TTF1: variants seen among roughly 807,000 people sequenced by gnomAD.
The protein encoded by TTF1 is transcription termination factor, RNA polymerase I.
TTF1 carries 64 observed loss-of-function variants against 80.2 expected under a neutral mutation model. The ratio of observed to expected loss-of-function variants is 0.80; its 90% CI spans 0.65 to 0.98. TTF1 has a LOEUF of 0.98. TTF1 is among the 50% of genes least tolerant of loss of function. TTF1 has a pLI of 0.00. For missense variants in TTF1, 1,023 were observed against 1,086.2 expected (o/e 0.94, Z 0.82); for synonymous variants, 372 against 382.7 (o/e 0.97, Z 0.33).
intron 3 of TTF1, among the ~76,000 whole-genome samples, 182 bp from the exon 4 acceptor site, chr9:132,398,508 C>A (rs932833355): frequency 2.0e-5 from 3 of 152,236 alleles, no homozygotes; most frequent in Non-Finnish European, 2.9e-5. Context: ...CCAAGCCACA[C>A]CTCTTCTGTC....
At chr9:132,388,572 C>T (rs1158236082) in intron 7 of TTF1, among the ~76,000 whole-genome samples, 3 of 152,128 alleles carry the variant, frequency 2.0e-5, no homozygotes, top group African/African-American at 4.8e-5. Flanking sequence ...AACTCCTGGC[C>T]TCAAGTGATC....
intron 10 of TTF1, among the ~76,000 whole-genome samples, chr9:132,376,531 T>C (rs1030138681): frequency 4.3e-4 from 66 of 152,088 alleles, no homozygotes; most frequent in African/African-American, 1.5e-3. Flanking sequence ...CCAGGAGAAA[T>C]ACCAGTGCCG....
In TTF1 at chr9:132,402,852, G is replaced by A. The variant is rs1052650242; in HGVS notation, c.-7-24C>T. ...TCCTATATGGAAATGTGACAACAAT[G>A]GTTTATTTTTGCTTTTTTTTTGAGA... is the stretch of plus-strand genomic sequence containing the variant. On this transcript the variant is annotated intron_variant, in intron 1 of 10. Coordinates refer to ENST00000334270, the MANE Select transcript of TTF1 (RefSeq NM_007344.4). The A allele has an allele frequency of 2.6e-6, 4 of 1,547,048 alleles. No individual in the cohort carries two copies. In the African/African-American group the frequency reaches 5.6e-5, roughly 21 times the overall value.
chr9:132,377,482 C>A (rs1849225327), intron 10 of TTF1, among the ~76,000 whole-genome samples: 1 of 37,444 alleles, frequency 2.7e-5, no homozygotes, highest in East Asian at 2.1e-3. Context: ...TGTGTGAATG[C>A]ATGTGGTGTG....
chr9:132,383,038 C>G (rs1849396993), intron 9 of TTF1, among the ~76,000 whole-genome samples: 1 of 148,458 alleles, frequency 6.7e-6, no homozygotes, highest in Non-Finnish European at 1.5e-5. Context: ...GCACTCCAGC[C>G]TGGGCAACAA....
chr9:132,386,616 T>C lies in TTF1; in HGVS notation c.2318A>G (p.Tyr773Cys), dbSNP rs373530334. The C allele has an allele frequency of 1.2e-5, 20 of 1,610,482 alleles. No homozygotes were observed. Among genetic ancestry groups the C allele is most frequent in the Middle Eastern group, 1.6e-4 (1 of 6,072 alleles). ...RAKVSLIERLYEINVEDTNEI... is the reference protein window; with the variant it reads ...RAKVSLIERLCEINVEDTNEI... Reference sequence around the variant, plus strand: ...ATTAGTATCTTCCACATTTATTTCATACAACCTGTGAGAAAAAATAAAAAT... The same window carrying C: ...ATTAGTATCTTCCACATTTATTTCACACAACCTGTGAGAAAAAATAAAAAT... The change falls in exon 9 of 11, where the codon TAT becomes TGT. Residue 773 changes from tyrosine to cysteine, a missense_variant. Tyr to Cys is a radical substitution (Grantham distance 194). Transcript: ENST00000334270.
rs1447677872 is a variant in TTF1 at position 132,378,631 on chromosome 9, G to GTGTGAGTGCATGTGGTGT, written c.2464+427_2464+428insACACCACATGCACTCACA. ...GCATGTGGTGTGAGTGCATGTGGTT[G>GTGTGAGTGCATGTGGTGT]GTGTGAGTGCATGTGGTGTGAGTGC... On this transcript the variant is annotated intron_variant, in intron 10 of 10. Transcript: ENST00000334270. 0.011 allele frequency among the ~76,000 whole-genome samples: 908 copies of GTGTGAGTGCATGTGGTGT among 81,148 alleles called. 47 individuals are homozygous for GTGTGAGTGCATGTGGTGT. In the East Asian group the frequency reaches 0.13, roughly 11 times the overall value. 53.2% of individuals were successfully genotyped at this position (81,148 alleles called of 152,430 possible).
intron 5 of TTF1, among the ~76,000 whole-genome samples, chr9:132,392,589 C>CCT (rs10631521): frequency 0.19 from 29,041 of 152,112 alleles, 3,333 homozygotes; most frequent in African/African-American, 0.32. Flanking sequence ...CTGAAGTCCC[C>CCT]GTTGATTGCT....
rs189105161 is a variant in TTF1, at chr9:132,392,330, C to G, written c.1857-124G>C. 20 of 1,141,744 alleles carry G rather than the reference C, an allele frequency of 1.8e-5. No homozygotes were observed. The East Asian group carries it at 5.0e-4, about 29-fold the overall frequency. The allele number at this position is 1,141,744 out of a possible 1,614,324, so 70.7% of individuals were successfully genotyped here. Reference sequence around the variant, plus strand: ...GGGGCAGGCTGTCAGGGAACCCGGTCACAGCCCTCTTCACTTCCTGTTGGC... The same window carrying G: ...GGGGCAGGCTGTCAGGGAACCCGGTGACAGCCCTCTTCACTTCCTGTTGGC... On this transcript the variant is annotated intron_variant, in intron 5 of 10. Transcript: ENST00000334270.
At chr9:132,378,557 ATGCATGTGGTGTGAG>A (rs1564182325) in intron 10 of TTF1, among the ~76,000 whole-genome samples, 2 of 49,754 alleles carry the variant, frequency 4.0e-5, no homozygotes, top group Admixed American at 2.3e-4. Flanking sequence ...TGGTGTGTGA[ATGCATGTGGTGTGAG>A]TGCATGTGGT....
intron 2 of TTF1, 73 bp from the exon 3 acceptor site, chr9:132,400,331 C>T (rs1317222964): frequency 1.5e-6 from 2 of 1,339,788 alleles, no homozygotes; most frequent in Non-Finnish European, 2.1e-6. Flanking sequence ...ATTTTTCCTT[C>T]TTTTTTTTCG....
intron 2 of TTF1, 144 bp downstream of exon 2, chr9:132,401,311 A>G (rs1849757564): frequency 1.4e-5 from 11 of 790,502 alleles, no homozygotes; most frequent in Non-Finnish European, 1.8e-5. Context: ...GGACAATAAG[A>G]GCAAATCTCC....
At chr9:132,403,346 C>G (rs1194065320) in intron 1 of TTF1, among the ~76,000 whole-genome samples, 1 of 152,154 alleles carries the variant, frequency 6.6e-6, no homozygotes. Context: ...TAACAGAGAA[C>G]AACAGTGCCT....
At position 132,401,729 on chromosome 9, in the gene TTF1, T is replaced by C. The variant is rs1280126819; in HGVS notation, c.1093A>G (p.Ser365Gly). The C allele has an allele frequency of 6.2e-7, 1 of 1,614,124 alleles. No individual in the cohort carries two copies. Among genetic ancestry groups the C allele is most frequent in the East Asian group, 2.2e-5 (1 of 44,900 alleles). ...SAYPEGSQVG[S>G]EVGTVEGSTA... is the part of the protein sequence containing the mutation. ...CTGCCTTCCACAGTCCCAACCTCAC[T>C]GCCCACCTGTGATCCTTCAGGGTAT... is the stretch of plus-strand genomic sequence containing the variant. Residue 365 changes from serine (S) to glycine (G), a missense_variant, in exon 2 of 11, where the codon AGT (serine) becomes GGT (glycine). Ser to Gly is a moderately conservative substitution (Grantham distance 56, BLOSUM62 0). Coordinates refer to ENST00000334270, the MANE Select transcript of TTF1 (RefSeq NM_007344.4).
At chr9:132,378,662 T>TGGTTG (rs1554728128) in intron 10 of TTF1, among the ~76,000 whole-genome samples, 1,571 of 117,500 alleles carry the variant, frequency 0.013, 91 homozygotes, top group East Asian at 0.13. Flanking sequence ...AGTGCATACG[T>TGGTTG]GTGTGAGTGC....
chr9:132,388,288 T>G, intron 7 of TTF1, 60 bp from the exon 8 acceptor site: 1 of 1,262,628 alleles, frequency 7.9e-7, no homozygotes, highest in Non-Finnish European at 1.1e-6. Context: ...CATTAAAATA[T>G]CCTATATTTT....
chr9:132,398,461 C>T (rs908167556), intron 3 of TTF1, 135 bp from the exon 4 acceptor site: 33 of 843,916 alleles, frequency 3.9e-5, no homozygotes, highest in Middle Eastern at 6.4e-4. Flanking sequence ...CCCTCCTGCC[C>T]GCACTTGCAG....
chr9:132,399,209 A>G (rs1336219326), intron 3 of TTF1, among the ~76,000 whole-genome samples: 1 of 61,068 alleles, frequency 1.6e-5, no homozygotes, highest in Non-Finnish European at 4.7e-5. Flanking sequence ...AAAAAAAAAA[A>G]AAAAAGAAAA....
At chr9:132,404,023 A>G (rs1849815961) in intron 1 of TTF1, among the ~76,000 whole-genome samples, 1 of 152,272 alleles carries the variant, frequency 6.6e-6, no homozygotes, top group African/African-American at 2.4e-5. Flanking sequence ...GATTAAAAAT[A>G]TAATTTTGCA....
Sources: gnomAD v4.1 joint callset for allele counts (sites outside exome capture counted in the v4.1 genomes callset) on GRCh38, gnomAD v4.1.1 for gene constraint, MANE v1.5 for transcripts, NCBI Gene and HGNC (gene_info 2026-07-23, HGNC 2026-07-21) for gene names.